The following RBFOX1 variants were observed in gnomAD, a reference collection of about 807,000 sequenced individuals.
The protein encoded by RBFOX1 is RNA binding protein fox-1 homolog 1.
RBFOX1 carries 8 observed loss-of-function variants against 57.7 expected under a neutral mutation model. The ratio of observed to expected loss-of-function variants is 0.14; its 90% CI spans 0.08 to 0.25. The LOEUF is 0.25. Ranked by LOEUF, RBFOX1 falls within the 10% of genes least tolerant of loss-of-function variation. The pLI is 1.00. For synonymous variants in RBFOX1, 326 were observed against 222.4 expected, an observed-to-expected ratio of 1.47 and a Z score of -4.15; for missense variants, 611 against 548.5, an observed-to-expected ratio of 1.11 and a Z score of -1.14.
At chr16:7,206,993 T>G (rs187527276) in intron 4 of RBFOX1, among the ~76,000 whole-genome samples, 86 of 152,298 alleles carry the variant, frequency 5.6e-4, no homozygotes, top group Admixed American at 3.4e-3. Flanking sequence ...GCAGCCAATT[T>G]AGCCCCTTGC....
chr16:5,569,001 C>T (rs12927284), intron 2 of RBFOX1, among the ~76,000 whole-genome samples: 13,008 of 145,998 alleles, frequency 0.089, 806 homozygotes, highest in Non-Finnish European at 0.12. Flanking sequence ...CCACCACGCC[C>T]GGCTAATTTT....
intron 4 of RBFOX1, among the ~76,000 whole-genome samples, chr16:7,149,763 A>C (rs755307647): frequency 6.6e-6 from 1 of 151,814 alleles, no homozygotes; most frequent in Non-Finnish European, 1.5e-5. Context: ...CCATTCTGAC[A>C]ACTGTAGCCC....
intron 2 of RBFOX1, among the ~76,000 whole-genome samples, chr16:6,636,966 A>G (rs1170858110): frequency 7.9e-6 from 1 of 127,038 alleles, no homozygotes; most frequent in Non-Finnish European, 1.6e-5. Context: ...TATGTATATT[A>G]TGTATATTTA....
chr16:7,172,670 C>T (rs1042134778), intron 4 of RBFOX1, among the ~76,000 whole-genome samples: 4 of 152,134 alleles, frequency 2.6e-5, no homozygotes, highest in Non-Finnish European at 4.4e-5. Context: ...ACAGAGGCAG[C>T]ACAAGGCTGA....
At chr16:5,635,422 C>T (rs1244278827) in intron 3 of RBFOX1, among the ~76,000 whole-genome samples, 1 of 152,178 alleles carries the variant, frequency 6.6e-6, no homozygotes, top group Non-Finnish European at 1.5e-5. Context: ...CTCCATTCCT[C>T]ATGGAGTTAA....
At chr16:6,816,699 C>G (rs1271295087) in intron 3 of RBFOX1, among the ~76,000 whole-genome samples, 1 of 148,144 alleles carries the variant, frequency 6.8e-6, no homozygotes, top group Admixed American at 6.8e-5. Context: ...GAGACTGCAC[C>G]ACTGCACTCC....
chr16:5,537,999 G>C (rs2044767949), intron 2 of RBFOX1, among the ~76,000 whole-genome samples: 1 of 152,276 alleles, frequency 6.6e-6, no homozygotes, highest in Non-Finnish European at 1.5e-5. Context: ...AATAAGGTCA[G>C]CATAAGAACC....
At chr16:6,314,081 G>C (rs2152769572) in intron 1 of RBFOX1, among the ~76,000 whole-genome samples, 1 of 152,242 alleles carries the variant, frequency 6.6e-6, no homozygotes, top group South Asian at 2.1e-4. Flanking sequence ...GACTCAGATG[G>C]ACATGAAATT....
At chr16:5,977,183 A>T (rs1165803919) in intron 4 of RBFOX1, among the ~76,000 whole-genome samples, 5 of 152,154 alleles carry the variant, frequency 3.3e-5, no homozygotes, top group African/African-American at 9.6e-5. Context: ...GTGTGGGCAG[A>T]ACTGAGGTTG....
chr16:6,842,368 T>G (rs1455092144), intron 3 of RBFOX1, among the ~76,000 whole-genome samples: 1 of 152,062 alleles, frequency 6.6e-6, no homozygotes, highest in Admixed American at 6.5e-5. Context: ...TGTGCACATA[T>G]AGAGAAGAAA....
intron 2 of RBFOX1, among the ~76,000 whole-genome samples, chr16:5,584,662 C>T (rs187756708): frequency 1.4e-4 from 21 of 152,286 alleles, no homozygotes; most frequent in African/African-American, 5.1e-4. Context: ...GAGGCTGTCC[C>T]TGTGACACAG....
At chr16:5,375,085 CAAAAAAA>C (rs576765968) in intron 1 of RBFOX1, among the ~76,000 whole-genome samples, 4 of 37,106 alleles carry the variant, frequency 1.1e-4, no homozygotes, top group Admixed American at 6.7e-4. Context: ...TTTAAATGGC[CAAAAAAA>C]AAAAAAAAAA....
At chr16:5,277,942 T>C (rs140941168) in intron 1 of RBFOX1, among the ~76,000 whole-genome samples, 1 of 152,312 alleles carries the variant, frequency 6.6e-6, no homozygotes, top group East Asian at 1.9e-4. Flanking sequence ...CTATTGTAAA[T>C]AGTGCTGCAG....
At chr16:6,327,817 T>A (rs977015875) in intron 2 of RBFOX1, among the ~76,000 whole-genome samples, 1 of 152,198 alleles carries the variant, frequency 6.6e-6, no homozygotes, top group Non-Finnish European at 1.5e-5. Context: ...CCATGTTATT[T>A]CTTGACAAAG....
At chr16:5,271,194 GA>G (rs917835783) in intron 1 of RBFOX1, among the ~76,000 whole-genome samples, 15 of 148,106 alleles carry the variant, frequency 1.0e-4, no homozygotes, top group African/African-American at 7.4e-5. Flanking sequence ...AAAGAAAAAA[GA>G]AAAAAAAAAG....
At chr16:6,374,721 T>C (rs1033504544) in intron 2 of RBFOX1, among the ~76,000 whole-genome samples, 1 of 152,232 alleles carries the variant, frequency 6.6e-6, no homozygotes, top group Non-Finnish European at 1.5e-5. Context: ...GAGACTGTTA[T>C]TGCCACTGGC....
At chr16:6,735,271 TCC>T (rs2069849759) in intron 3 of RBFOX1, among the ~76,000 whole-genome samples, 1 of 152,190 alleles carries the variant, frequency 6.6e-6, no homozygotes, top group African/African-American at 2.4e-5. Context: ...TACACTTGCC[TCC>T]TACCCAACTC....
intron 4 of RBFOX1, among the ~76,000 whole-genome samples, chr16:7,101,965 C>T (rs550273986): frequency 6.6e-5 from 10 of 152,142 alleles, no homozygotes; most frequent in Non-Finnish European, 1.2e-4. Flanking sequence ...GTACCACAAG[C>T]CTAGTGCTGT....
intron 4 of RBFOX1, among the ~76,000 whole-genome samples, chr16:7,122,473 T>C (rs1270196240): frequency 2.0e-5 from 3 of 152,040 alleles, no homozygotes; most frequent in Non-Finnish European, 4.4e-5. Flanking sequence ...GAAAAGGTAT[T>C]TAACATCATT....
Sources: gnomAD v4.1 joint callset for allele counts (sites outside exome capture counted in the v4.1 genomes callset) on GRCh38, gnomAD v4.1.1 for gene constraint, MANE v1.5 for transcripts, NCBI Gene and HGNC (gene_info 2026-07-23, HGNC 2026-07-21) for gene names.